SFI1: variants seen among roughly 807,000 people sequenced by gnomAD.
SFI1 encodes the protein protein SFI1 homolog.
SFI1 carries 195 observed loss-of-function variants against 207.5 expected under a neutral mutation model. That is an observed-to-expected ratio of 0.94 (90% CI 0.84 to 1.06). The LOEUF (loss-of-function observed/expected upper bound fraction) is 1.06. Ranked by LOEUF, SFI1 falls within the 50% of genes least tolerant of loss-of-function variation. The pLI is 0.00. For synonymous variants in SFI1, 630 were observed against 598.9 expected, an observed-to-expected ratio of 1.05 and a Z score of -0.76; for missense variants, 1,634 against 1,588.0, an observed-to-expected ratio of 1.03 and a Z score of -0.49.
At chr22:31,526,535 G>A (rs548154680) in intron 2 of SFI1, among the ~76,000 whole-genome samples, 2 of 152,256 alleles carry the variant, frequency 1.3e-5, no homozygotes, top group Admixed American at 1.3e-4. Context: ...CGATTTGGGT[G>A]GGGGCACAGC....
At chr22:31,514,036 A>C (rs2146834164) in intron 2 of SFI1, among the ~76,000 whole-genome samples, 1 of 150,976 alleles carries the variant, frequency 6.6e-6, no homozygotes, top group Non-Finnish European at 1.5e-5. Flanking sequence ...CGGGAAGCTG[A>C]GGCAGGAGAA....
intron 15 of SFI1, among the ~76,000 whole-genome samples, chr22:31,598,619 C>CTG (rs1556311585): frequency 7.1e-6 from 1 of 139,904 alleles, no homozygotes; most frequent in Non-Finnish European, 1.6e-5. Flanking sequence ...CGGGGTTTCA[C>CTG]TGTTAGCCAG....
At chr22:31,561,854 C>T (rs752850234) in intron 8 of SFI1, among the ~76,000 whole-genome samples, 1 of 152,052 alleles carries the variant, frequency 6.6e-6, no homozygotes, top group Non-Finnish European at 1.5e-5. Context: ...ATGGCTAAGG[C>T]CTGTACTAAA....
intron 2 of SFI1, among the ~76,000 whole-genome samples, chr22:31,520,132 C>T (rs1001602707): frequency 2.7e-5 from 4 of 148,492 alleles, no homozygotes; most frequent in South Asian, 2.1e-4. Context: ...GGTGCCCTAG[C>T]GAATTATTAT....
At position 31,506,422 on chromosome 22, in the gene SFI1, T is replaced by C. The variant is rs146672313; in HGVS notation, c.-30-1833T>C. Among the ~76,000 whole-genome samples, 1,483 of 152,150 alleles carry C rather than the reference T, an allele frequency of 9.7e-3. 8 individuals are homozygous for C. The highest frequency in any genetic ancestry group is 0.031 in the Middle Eastern group (9 of 294). ...ACAGTAACACTGATAACCATAAAAA[T>C]TAATCTGAGGAAAAATAAGAAATCT... On this transcript the variant is annotated intron_variant, in intron 1 of 32. Coordinates refer to ENST00000400288, the MANE Select transcript of SFI1 (RefSeq NM_001007467.3).
At chr22:31,568,200 GTGTGTGTGTGTA>G (rs1238779882) in intron 8 of SFI1, among the ~76,000 whole-genome samples, 20 of 139,142 alleles carry the variant, frequency 1.4e-4, no homozygotes, top group East Asian at 2.1e-4. Context: ...TGTGTTGTGT[GTGTGTGTGTGTA>G]TATATATATA....
At chr22:31,507,797 G>A (rs1395439378) in intron 1 of SFI1, among the ~76,000 whole-genome samples, 1 of 152,164 alleles carries the variant, frequency 6.6e-6, no homozygotes, top group East Asian at 1.9e-4. Flanking sequence ...CAATGAGGCT[G>A]GGTGTGGTGG....
rs2063955802 is a variant in SFI1 at position 31,580,271 on chromosome 22, G to T, written c.1156-1G>T. ...ATCAGTTGTGTCCTTTCTTTGCACA[G>T]TATTTTTGCTTTAGAGCCCTAAAAG... On this transcript the variant is annotated splice_acceptor_variant, in intron 11 of 32. Coordinates refer to ENST00000400288, the MANE Select transcript of SFI1 (RefSeq NM_001007467.3). LOFTEE classifies it high-confidence loss of function. 6.2e-7 allele frequency: 1 copy of T among 1,612,368 alleles called. No homozygotes were observed. The highest frequency in any genetic ancestry group is 1.3e-5 in the African/African-American group (1 of 74,840).
rs1555984036 is a variant in SFI1 at position 31,545,584 on chromosome 22, A to AATTTTATTTT, written c.339-1271_339-1262dup. On this transcript the variant is annotated intron_variant, in intron 4 of 32. Transcript: ENST00000400288. Reference sequence around the variant, plus strand: ...AATTTAATTTAATTTAATTTAATTTAATTTTATTTTATTTTGAGACGAAGT... The same window carrying AATTTTATTTT: ...AATTTAATTTAATTTAATTTAATTTAATTTTATTTTATTTTATTTTATTTTGAGACGAAGT... Among the ~76,000 whole-genome samples, 989 of 144,984 alleles carry AATTTTATTTT rather than the reference A, an allele frequency of 6.8e-3. 23 individuals carry two copies. Among genetic ancestry groups the AATTTTATTTT allele is most frequent in the African/African-American group, 0.022 (903 of 40,136 alleles).
At chr22:31,580,580 T>C (rs2064025266) in intron 12 of SFI1, among the ~76,000 whole-genome samples, 1 of 149,628 alleles carries the variant, frequency 6.7e-6, no homozygotes, top group African/African-American at 2.5e-5. Flanking sequence ...TCTTTCTCTA[T>C]TGCCCAGACT....
intron 6 of SFI1, among the ~76,000 whole-genome samples, chr22:31,553,263 T>C (rs2060791656): frequency 6.6e-6 from 1 of 152,198 alleles, no homozygotes; most frequent in African/African-American, 2.4e-5. Context: ...TTGCTATTTA[T>C]ATCTGTTTGG....
intron 2 of SFI1, among the ~76,000 whole-genome samples, chr22:31,517,090 T>C (rs2056628159): frequency 6.6e-6 from 1 of 151,394 alleles, no homozygotes; most frequent in South Asian, 2.1e-4. Flanking sequence ...GCCGAGATGG[T>C]GCCACTATAC....
At chr22:31,496,248 C>G (rs968716527), upstream of SFI1, 1 of 152,274 alleles carries the variant, frequency 6.6e-6, no homozygotes, top group African/African-American at 2.4e-5. Flanking sequence ...GGAATACCTC[C>G]CACTTCTCTT....
rs541733673 is a variant in SFI1 at position 31,589,823 on chromosome 22, T to TA, written c.1544+254dup. ...TGTGTGTGTGTATATATGTATTTATTAAAAAAAATGTGTAGTGTTTAATCT... is the reference window on the plus strand; with the variant it reads ...TGTGTGTGTGTATATATGTATTTATTAAAAAAAAATGTGTAGTGTTTAATCT... On this transcript the variant is annotated intron_variant, in intron 15 of 32. Coordinates refer to ENST00000400288, the MANE Select transcript of SFI1 (RefSeq NM_001007467.3). Among the ~76,000 whole-genome samples the TA allele has an allele frequency of 3.0e-3, 453 of 152,134 alleles. 2 individuals carry two copies. Among genetic ancestry groups the TA allele is most frequent in the African/African-American group, 0.01 (431 of 41,486 alleles).
intron 23 of SFI1, 151 bp downstream of exon 23, chr22:31,611,454 C>A: frequency 9.8e-7 from 1 of 1,019,058 alleles, no homozygotes; most frequent in Non-Finnish European, 1.4e-6. Context: ...TAAGACAAAG[C>A]TGCAGGAGCC....
At chr22:31,568,871 A>G (rs2062672287) in intron 8 of SFI1, among the ~76,000 whole-genome samples, 1 of 152,176 alleles carries the variant, frequency 6.6e-6, no homozygotes, top group Non-Finnish European at 1.5e-5. Context: ...AGGCAGGAGG[A>G]TCACTTGAGC....
At chr22:31,509,984 A>G (rs541745816) in intron 2 of SFI1, among the ~76,000 whole-genome samples, 80 of 151,934 alleles carry the variant, frequency 5.3e-4, no homozygotes, top group African/African-American at 1.9e-3. Flanking sequence ...GCAGTGGTAC[A>G]GTCTCGGCTC....
In SFI1 at chr22:31,612,038, A is replaced by G. The variant is rs575049492; in HGVS notation, c.2490+198A>G. On this transcript the variant is annotated intron_variant, in intron 24 of 32. Transcript: ENST00000400288. ...TTCCGTCTGCAGTCTGCATAAGAACAGTTACTTCAAGGCCAGTTTCTCTCT... is the reference window on the plus strand; with the variant it reads ...TTCCGTCTGCAGTCTGCATAAGAACGGTTACTTCAAGGCCAGTTTCTCTCT... The G allele has an allele frequency of 2.7e-5, 37 of 1,374,606 alleles. No homozygotes were observed. The African/African-American group carries it at 5.4e-4, about 20-fold the overall frequency. The allele number at this position is 1,374,606 out of a possible 1,614,324, so 85.2% of individuals were successfully genotyped here.
chr22:31,559,049 C>T (rs1188467588), intron 7 of SFI1, among the ~76,000 whole-genome samples: 1 of 151,960 alleles, frequency 6.6e-6, no homozygotes, highest in African/African-American at 2.4e-5. Flanking sequence ...TCAGATGATC[C>T]ACCCGCCTCG....
Sources: gnomAD v4.1 joint callset for allele counts (sites outside exome capture counted in the v4.1 genomes callset) on GRCh38, gnomAD v4.1.1 for gene constraint, MANE v1.5 for transcripts, NCBI Gene and HGNC (gene_info 2026-07-23, HGNC 2026-07-21) for gene names.